Variants in DGKB observed in about 807,000 individuals in gnomAD.
DGKB encodes the protein diacylglycerol kinase beta.
A neutral mutation model predicts 114.3 loss-of-function variants in DGKB; 67 were observed. That is an observed-to-expected ratio of 0.59 (90% CI 0.48 to 0.72). The LOEUF (loss-of-function observed/expected upper bound fraction) is 0.72. Ranked by LOEUF, DGKB falls within the 30% of genes least tolerant of loss-of-function variation. The probability of loss-of-function intolerance (pLI) is 0.00; values close to 1 mark genes in which losing one functional copy is unlikely to be tolerated. For synonymous variants in DGKB, 398 were observed against 323.1 expected (o/e 1.23, Z -2.49); for missense variants, 907 against 975.2 (o/e 0.93, Z 0.93).
intron 20 of DGKB, among the ~76,000 whole-genome samples, chr7:14,564,146 G>T (rs1797061011): frequency 6.6e-6 from 1 of 152,134 alleles, no homozygotes; most frequent in African/African-American, 2.4e-5. Context: ...CTGAGCAAGG[G>T]GAAGGATCAA....
intron 25 of DGKB, chr7:14,176,432 G>C: frequency 1.0e-6 from 1 of 986,814 alleles, no homozygotes; most frequent in African/African-American, 1.7e-5. Flanking sequence ...TGGAGGCATA[G>C]AAAAGCTGAG....
At chr7:14,381,519 TCTAA>T (rs1214352496) in intron 21 of DGKB, among the ~76,000 whole-genome samples, 2 of 152,300 alleles carry the variant, frequency 1.3e-5, no homozygotes, top group Middle Eastern at 3.4e-3. Context: ...AGTAGAGTGA[TCTAA>T]CTAATGAATC....
chr7:14,528,773 T>A (rs1030631297), intron 20 of DGKB, among the ~76,000 whole-genome samples: 3 of 152,048 alleles, frequency 2.0e-5, no homozygotes, highest in African/African-American at 7.2e-5. Flanking sequence ...GCAAGACAGG[T>A]AATTGGTACC....
chr7:14,848,494 G>C (rs1207940042), intron 1 of DGKB, among the ~76,000 whole-genome samples: 1 of 152,154 alleles, frequency 6.6e-6, no homozygotes, highest in East Asian at 1.9e-4. Context: ...GCTAAGATAA[G>C]AGATAAGAGG....
chr7:14,836,370 G>C (rs1207729585), intron 2 of DGKB, among the ~76,000 whole-genome samples: 1 of 152,022 alleles, frequency 6.6e-6, no homozygotes, highest in Non-Finnish European at 1.5e-5. Flanking sequence ...AGTATTTTTC[G>C]AAAATAATTT....
At chr7:14,901,979 T>A (rs185478530) in intron 1 of DGKB, among the ~76,000 whole-genome samples, 2 of 152,220 alleles carry the variant, frequency 1.3e-5, no homozygotes, top group Admixed American at 1.3e-4. Flanking sequence ...GTGGAGGAGA[T>A]TATTGCAGCA....
intron 23 of DGKB, among the ~76,000 whole-genome samples, chr7:14,291,827 T>G (rs150630713): frequency 6.6e-6 from 1 of 152,284 alleles, no homozygotes; most frequent in African/African-American, 2.4e-5. Flanking sequence ...AAAGATCTTG[T>G]TGCCCTGAAC....
intron 1 of DGKB, among the ~76,000 whole-genome samples, chr7:14,973,512 GTTTTTTGT>G (rs1787605765): frequency 7.7e-6 from 1 of 130,452 alleles, no homozygotes; most frequent in African/African-American, 2.9e-5. Flanking sequence ...TGTTTTGTTT[GTTTTTTGT>G]TTTTTTGTTT....
intron 21 of DGKB, among the ~76,000 whole-genome samples, chr7:14,379,055 A>C (rs1207484825): frequency 1.5e-5 from 2 of 136,492 alleles, no homozygotes; most frequent in African/African-American, 5.2e-5. Context: ...TTTTTTTTTC[A>C]GTTTTTACCA....
At chr7:14,249,767 T>C (rs1006546310) in intron 23 of DGKB, among the ~76,000 whole-genome samples, 2 of 152,062 alleles carry the variant, frequency 1.3e-5, no homozygotes, top group Non-Finnish European at 2.9e-5. Context: ...TTTTTATCTT[T>C]CCAAAACACC....
chr7:14,451,545 G>GTCTCTCTC lies in DGKB; in HGVS notation c.1835+26608_1835+26615dup, dbSNP rs34641587. Reference sequence around the variant, plus strand: ...TTCCTTATAATAAATCTCTCTATCTGTCTCTCTCTCTCTCTCTCTCTCTCT... The same window carrying GTCTCTCTC: ...TTCCTTATAATAAATCTCTCTATCTGTCTCTCTCTCTCTCTCTCTCTCTCTCTCTCTCT... On this transcript the variant is annotated intron_variant, in intron 21 of 25. Coordinates refer to ENST00000402815, the MANE Select transcript of DGKB (RefSeq NM_001350709.2). Among the ~76,000 whole-genome samples, 1,234 of 141,142 alleles carry GTCTCTCTC rather than the reference G, an allele frequency of 8.7e-3. 13 individuals carry two copies. Among genetic ancestry groups the GTCTCTCTC allele is most frequent in the African/African-American group, 0.029 (1,064 of 37,164 alleles). 92.6% of individuals were successfully genotyped at this position (141,142 alleles called of 152,430 possible).
chr7:14,264,780 C>A (rs1202330513), intron 23 of DGKB, among the ~76,000 whole-genome samples: 1 of 152,058 alleles, frequency 6.6e-6, no homozygotes, highest in Non-Finnish European at 1.5e-5. Context: ...TTTGTGCACC[C>A]AGATAACCAC....
At chr7:14,541,930 G>A (rs77824367) in intron 20 of DGKB, among the ~76,000 whole-genome samples, 5,597 of 152,142 alleles carry the variant, frequency 0.037, 262 homozygotes, top group East Asian at 0.2. Context: ...TTCCATCCCA[G>A]TTATCCTACC....
At chr7:14,540,845 A>G (rs1793306058) in intron 20 of DGKB, among the ~76,000 whole-genome samples, 1 of 152,216 alleles carries the variant, frequency 6.6e-6, no homozygotes, top group African/African-American at 2.4e-5. Context: ...CTGTTAGCTG[A>G]ACATGTTCTG....
chr7:14,285,617 T>C (rs1800752453), intron 23 of DGKB, among the ~76,000 whole-genome samples: 1 of 152,238 alleles, frequency 6.6e-6, no homozygotes, highest in East Asian at 1.9e-4. Flanking sequence ...TGTACTAAAC[T>C]GCACCTGATA....
intron 21 of DGKB, among the ~76,000 whole-genome samples, chr7:14,423,274 C>T (rs1826996267): frequency 6.6e-6 from 1 of 152,006 alleles, no homozygotes; most frequent in African/African-American, 2.4e-5. Context: ...AAACTTACTA[C>T]ATACCTTGCT....
chr7:14,247,550 G>A (rs980591670), intron 23 of DGKB, among the ~76,000 whole-genome samples: 7 of 152,110 alleles, frequency 4.6e-5, no homozygotes, highest in African/African-American at 1.7e-4. Flanking sequence ...TCTAAAAGGT[G>A]TGAGGTGATA....
At chr7:14,570,970 TG>T (rs1563546912) in intron 20 of DGKB, among the ~76,000 whole-genome samples, 1 of 152,180 alleles carries the variant, frequency 6.6e-6, no homozygotes, top group African/African-American at 2.4e-5. Context: ...TTCTTTACTT[TG>T]TATTTGAGGT....
chr7:14,927,481 T>A (rs1402883207), intron 1 of DGKB, among the ~76,000 whole-genome samples: 1 of 149,950 alleles, frequency 6.7e-6, no homozygotes, highest in East Asian at 1.9e-4. Flanking sequence ...GGTTTTGTTT[T>A]GCTTTGCTTT....
Sources: gnomAD v4.1 joint callset for allele counts (sites outside exome capture counted in the v4.1 genomes callset) on GRCh38, gnomAD v4.1.1 for gene constraint, MANE v1.5 for transcripts, NCBI Gene and HGNC (gene_info 2026-07-23, HGNC 2026-07-21) for gene names.